Variants in PMM2 observed in about 807,000 individuals in gnomAD.
The protein encoded by PMM2 is mannose-6-phosphate isomerase.
PMM2 carries 35 observed loss-of-function variants against 33.2 expected under a neutral mutation model. That is an observed-to-expected ratio of 1.06 (90% confidence interval 0.81 to 1.40). PMM2 has a LOEUF of 1.40. Ranked by LOEUF, PMM2 falls within the 40% of genes most tolerant of loss-of-function variation. The probability of loss-of-function intolerance (pLI) is 0.00; values close to 1 mark genes in which losing one functional copy is unlikely to be tolerated. For synonymous variants in PMM2, 153 were observed against 114.7 expected, an observed-to-expected ratio of 1.33 and a Z score of -2.13; for missense variants, 386 against 306.0, an observed-to-expected ratio of 1.26 and a Z score of -1.95.
intron 1 of PMM2, 36 bp downstream of exon 1, chr16:8,797,984 C>G (rs1169962827): frequency 6.4e-7 from 1 of 1,566,524 alleles, no homozygotes; most frequent in South Asian, 1.2e-5. Flanking sequence ...GCAGCCGACG[C>G]GGAGCCCGTG....
intron 4 of PMM2, chr16:8,807,018 C>T (rs1410306044): frequency 6.4e-6 from 1 of 155,104 alleles, no homozygotes; most frequent in Non-Finnish European, 1.4e-5. Flanking sequence ...TTTTTGAGAC[C>T]GAGTCTCACT....
At chr16:8,834,556 TG>T (rs1161515396) in intron 7 of PMM2, among the ~76,000 whole-genome samples, 2 of 151,970 alleles carry the variant, frequency 1.3e-5, no homozygotes, top group African/African-American at 2.4e-5. Flanking sequence ...CAGTCCTGGG[TG>T]GGGGCAAATC....
At chr16:8,814,115 A>G (rs967739172) in intron 7 of PMM2, among the ~76,000 whole-genome samples, 1 of 151,712 alleles carries the variant, frequency 6.6e-6, no homozygotes, top group Admixed American at 6.6e-5. Flanking sequence ...GATCCAATCA[A>G]CTCGGCCGCT....
chr16:8,835,948 T>C (rs562595591), intron 7 of PMM2, among the ~76,000 whole-genome samples: 5,800 of 149,876 alleles, frequency 0.039, 194 homozygotes, highest in Middle Eastern at 0.12. Flanking sequence ...TAGCTGTAGT[T>C]CAGGAATACT....
Position 8,831,867 on chromosome 16 carries a change from G to A in PMM2, c.640-15857G>A, listed in dbSNP as rs115523245. ...TTTCACTGAGCCCTGGCCTCTCTTT[G>A]GTGCCTGTCAGGTACACTATAATGA... On this transcript the variant is annotated intron_variant, in intron 7 of 7. Coordinates refer to ENST00000268261, the MANE Select transcript of PMM2 (RefSeq NM_000303.3). 8.9e-3 allele frequency among the ~76,000 whole-genome samples: 1,348 copies of A among 152,210 alleles called. 34 individuals carry two copies. Among genetic ancestry groups the A allele is most frequent in the African/African-American group, 0.031 (1,280 of 41,520 alleles).
rs183696652 is a variant in PMM2 at position 8,833,030 on chromosome 16, C to T, written c.640-14694C>T. ...CCCCAGCTGCTAAAGCAATGCCTGG[C>T]GGGTAGAGGGTTTCGTGCGCGTCCG... On this transcript the variant is annotated intron_variant, in intron 7 of 7. Coordinates refer to ENST00000268261, the MANE Select transcript of PMM2 (RefSeq NM_000303.3). 1.1e-4 allele frequency: 51 copies of T among 457,652 alleles called. No homozygotes were observed. In the Admixed American group the frequency reaches 1.5e-3, roughly 13 times the overall value. The allele number at this position is 457,652 out of a possible 1,614,324, so 28.3% of individuals were successfully genotyped here. A position where few individuals can be genotyped will look rare whatever the true frequency, so the allele number is the denominator to read the frequency against.
intron 7 of PMM2, among the ~76,000 whole-genome samples, chr16:8,840,696 T>A (rs1211672275): frequency 6.6e-6 from 1 of 151,642 alleles, no homozygotes; most frequent in Admixed American, 6.6e-5. Context: ...GGCTGTCCGA[T>A]GGACACAGCT....
intron 7 of PMM2, chr16:8,829,166 G>C (rs1264146162): frequency 6.6e-6 from 1 of 152,162 alleles, no homozygotes; most frequent in African/African-American, 2.4e-5. Context: ...CTAAGTCTAG[G>C]CTCATAAGAT....
At position 8,847,914 on chromosome 16, in the gene PMM2, C is replaced by A; in HGVS notation, c.*89C>A. ...CCGAGGGTCCTCCCACACGTGCTCA[C>A]CCACCCGCAGCCTAGGCAGGCTCTG... On this transcript the variant is annotated 3_prime_UTR_variant, in exon 8 of 8. Transcript: ENST00000268261. The A allele has an allele frequency of 1.0e-6, 1 of 955,704 alleles. No homozygotes were observed. Among genetic ancestry groups the A allele is most frequent in the Non-Finnish European group, 1.7e-6 (1 of 604,676 alleles). 59.2% of individuals were successfully genotyped at this position (955,704 alleles called of 1,614,324 possible).
chr16:8,837,442 G>A (rs1199276007), intron 7 of PMM2, among the ~76,000 whole-genome samples: 2 of 151,888 alleles, frequency 1.3e-5, no homozygotes, highest in African/African-American at 4.8e-5. Context: ...CACAGGCTAA[G>A]GGAGAAGAAA....
intron 7 of PMM2, among the ~76,000 whole-genome samples, chr16:8,823,326 T>C (rs1596494838): frequency 6.6e-6 from 1 of 152,266 alleles, no homozygotes; most frequent in East Asian, 1.9e-4. Context: ...TTGAAAGCAT[T>C]AGTTTGGGAA....
intron 2 of PMM2, among the ~76,000 whole-genome samples, chr16:8,803,261 C>T (rs1047435966): frequency 2.0e-5 from 3 of 152,328 alleles, no homozygotes; most frequent in South Asian, 2.1e-4. Flanking sequence ...CTCTCTCTTC[C>T]ACTTCCACTT....
chr16:8,845,224 A>G (rs572485502), intron 7 of PMM2, among the ~76,000 whole-genome samples: 33 of 152,280 alleles, frequency 2.2e-4, no homozygotes, highest in African/African-American at 7.5e-4. Context: ...TGGATCTCAC[A>G]AAGTACATCC....
intron 1 of PMM2, among the ~76,000 whole-genome samples, chr16:8,800,665 C>CTTTTTTTTTT (rs35148703): frequency 1.7e-4 from 21 of 126,574 alleles, no homozygotes; most frequent in Admixed American, 3.9e-4. Context: ...TAAGCTTCTC[C>CTTTTTTTTTT]TTTTTTTTTT....
In PMM2 at chr16:8,849,245, C is replaced by A. The variant is rs1316258457; in HGVS notation, c.*1420C>A. On this transcript the variant is annotated 3_prime_UTR_variant, in exon 8 of 8. Transcript: ENST00000268261. The stretch of plus-strand genomic sequence containing the variant: ...CCAGTGACTCACAGGACACAGCCAT[C>A]CAGCGGCATCTTTCCTTGTCGAATG... 1.3e-5 allele frequency: 2 copies of A among 152,316 alleles called. No homozygotes were observed. Among genetic ancestry groups the A allele is most frequent in the Non-Finnish European group, 2.9e-5 (2 of 68,076 alleles). The allele number at this position is 152,316 out of a possible 1,614,324, so 9.4% of individuals were successfully genotyped here. A position where few individuals can be genotyped will look rare whatever the true frequency, so the allele number is the denominator to read the frequency against.
At chr16:8,840,278 T>C (rs940810805) in intron 7 of PMM2, among the ~76,000 whole-genome samples, 3 of 151,760 alleles carry the variant, frequency 2.0e-5, no homozygotes, top group African/African-American at 7.3e-5. Context: ...GGTGGAAATA[T>C]TGGAGGGTGC....
chr16:8,837,732 G>A (rs910106141), intron 7 of PMM2, among the ~76,000 whole-genome samples: 2 of 152,012 alleles, frequency 1.3e-5, no homozygotes, highest in Admixed American at 6.6e-5. Context: ...TTGCCTCTCC[G>A]CCAGAAAAGT....
intron 7 of PMM2, among the ~76,000 whole-genome samples, chr16:8,845,533 G>T (rs1464880709): frequency 6.6e-6 from 1 of 152,188 alleles, no homozygotes; most frequent in East Asian, 1.9e-4. Flanking sequence ...GGCGGGGAGG[G>T]TGTTTGGCTC....
At chr16:8,816,423 G>C (rs2060708509) in intron 7 of PMM2, among the ~76,000 whole-genome samples, 1 of 151,990 alleles carries the variant, frequency 6.6e-6, no homozygotes, top group Non-Finnish European at 1.5e-5. Context: ...ACCACACTGG[G>C]CCAGGATGGC....
Sources: gnomAD v4.1 joint callset for allele counts (sites outside exome capture counted in the v4.1 genomes callset) on GRCh38, gnomAD v4.1.1 for gene constraint, MANE v1.5 for transcripts, NCBI Gene and HGNC (gene_info 2026-07-23, HGNC 2026-07-21) for gene names.